Variants in BLM observed in about 807,000 individuals in gnomAD.
The protein encoded by BLM is recQ-like DNA helicase BLM.
A neutral mutation model predicts 135.3 loss-of-function variants in BLM; 95 were observed. That is an observed-to-expected ratio of 0.70 (90% confidence interval 0.59 to 0.83). The LOEUF is 0.83. BLM is among the 40% of genes least tolerant of loss of function. The probability of loss-of-function intolerance (pLI) is 0.00; values close to 1 mark genes in which losing one functional copy is unlikely to be tolerated. For synonymous variants in BLM, 520 were observed against 589.2 expected, an observed-to-expected ratio of 0.88 and a Z score of 1.70; for missense variants, 1,518 against 1,663.9, an observed-to-expected ratio of 0.91 and a Z score of 1.53.
chr15:90,773,311 T>A (rs1256592387), intron 12 of BLM, among the ~76,000 whole-genome samples: 1 of 151,440 alleles, frequency 6.6e-6, no homozygotes, highest in African/African-American at 2.4e-5. Context: ...TACCAGCTAC[T>A]TGAAAGGCTG....
intron 5 of BLM, among the ~76,000 whole-genome samples, chr15:90,756,558 A>C (rs995115135): frequency 6.6e-6 from 1 of 152,210 alleles, no homozygotes; most frequent in Admixed American, 6.5e-5. Flanking sequence ...TAACAACTGC[A>C]TTATACTGTC....
chr15:90,760,619 T>C lies in BLM; in HGVS notation c.1246T>C (p.Phe416Leu), dbSNP rs1567040804. ...AAGGAAACTTCTAACGGAAGTAGATTTTAATAAAAGTGATGCCAGTCTTCT... is the reference window on the plus strand; with the variant it reads ...AAGGAAACTTCTAACGGAAGTAGATCTTAATAAAAGTGATGCCAGTCTTCT... ...IRRKLLTEVD[F>L]NKSDASLLGS... The change falls in exon 7 of 22, where the codon TTT (phenylalanine) becomes CTT (leucine). Residue 416 changes from phenylalanine to leucine, a missense_variant. Transcript: ENST00000355112. 1 of 1,611,952 alleles carries C rather than the reference T, an allele frequency of 6.2e-7. No homozygotes were observed.
chr15:90,795,990 T>G (rs774058365), intron 16 of BLM, among the ~76,000 whole-genome samples: 1 of 152,082 alleles, frequency 6.6e-6, no homozygotes, highest in Non-Finnish European at 1.5e-5. Context: ...GCAAAGGCCC[T>G]AAGGTGGGGG....
At position 90,747,380 on chromosome 15, in the gene BLM, A is replaced by T; in HGVS notation, c.-4-9A>T. 3 of 1,597,036 alleles carry T rather than the reference A, an allele frequency of 1.9e-6. No homozygotes were observed. Among genetic ancestry groups the T allele is most frequent in the Non-Finnish European group, 2.6e-6 (3 of 1,167,608 alleles). ...AACTCCACTGATTTCTTTTTCCCTCACTTTTTAGGATTATGGCTGCTGTTC... is the reference window on the plus strand; with the variant it reads ...AACTCCACTGATTTCTTTTTCCCTCTCTTTTTAGGATTATGGCTGCTGTTC... On this transcript the variant is annotated splice_polypyrimidine_tract_variant and intron_variant, in intron 1 of 21. Transcript: ENST00000355112.
chr15:90,738,515 C>T (rs1317747083), intron 1 of BLM, among the ~76,000 whole-genome samples: 5 of 151,730 alleles, frequency 3.3e-5, no homozygotes, highest in East Asian at 1.9e-4. Context: ...TCGAGGCAGC[C>T]GTGAGCTGTT....
At chr15:90,775,604 C>T (rs547458334) in intron 12 of BLM, among the ~76,000 whole-genome samples, 2 of 151,844 alleles carry the variant, frequency 1.3e-5, no homozygotes, top group South Asian at 2.1e-4. Context: ...CTCCACCTCC[C>T]GAGTTCAAGT....
intron 1 of BLM, among the ~76,000 whole-genome samples, chr15:90,721,895 C>T (rs966390359): frequency 3.3e-5 from 5 of 151,502 alleles, no homozygotes; most frequent in African/African-American, 4.8e-5. Flanking sequence ...CACACCACTC[C>T]ACTCCAGCCT....
intron 1 of BLM, among the ~76,000 whole-genome samples, chr15:90,718,044 G>A (rs1173144354): frequency 6.6e-6 from 1 of 152,290 alleles, no homozygotes; most frequent in East Asian, 1.9e-4. Flanking sequence ...GAAACACTAA[G>A]TGTCTTGGTT....
chr15:90,784,564 G>A lies in BLM; in HGVS notation c.2663-357G>A, dbSNP rs569887665. Reference sequence around the variant, plus strand: ...ATGTCCAGGCTGGTCTCGAACTCCCGACCTCAAATGATCTGCCCTCCTTGG... The same window carrying A: ...ATGTCCAGGCTGGTCTCGAACTCCCAACCTCAAATGATCTGCCCTCCTTGG... On this transcript the variant is annotated intron_variant, in intron 13 of 21. Transcript: ENST00000355112. Among the ~76,000 whole-genome samples the A allele has an allele frequency of 2.6e-4, 39 of 151,678 alleles. No homozygotes were observed. In the South Asian group the frequency reaches 7.6e-3, roughly 29 times the overall value.
chr15:90,798,342 G>A lies in BLM; in HGVS notation c.3358+5G>A. On this transcript the variant is annotated splice_donor_5th_base_variant and intron_variant, in intron 17 of 21. Transcript: ENST00000355112. ...TGCTGGTCGACATTTTCTTGGGTAA[G>A]TCATCTGTTTTGAATGTTTGAGTTA... The A allele has an allele frequency of 6.2e-7, 1 of 1,612,430 alleles. No homozygotes were observed.
chr15:90,745,344 G>T lies in BLM; in HGVS notation c.-4-2045G>T, dbSNP rs558923419. On this transcript the variant is annotated intron_variant, in intron 1 of 21. Transcript: ENST00000355112. ...AAAAATTCATCACTATTTGAAGGTG[G>T]TGAAAGAATGAATATCATTTTTTAT... is the stretch of plus-strand genomic sequence containing the variant. 5.1e-4 allele frequency among the ~76,000 whole-genome samples: 78 copies of T among 152,288 alleles called. 2 individuals are homozygous for T. The South Asian group carries it at 5.8e-3, about 11-fold the overall frequency.
chr15:90,767,211 C>T (rs1177250384), intron 10 of BLM, among the ~76,000 whole-genome samples, 188 bp downstream of exon 10: 1 of 152,160 alleles, frequency 6.6e-6, no homozygotes, highest in African/African-American at 2.4e-5. Context: ...TTTCCTGACA[C>T]ATTTGATTGA....
intron 12 of BLM, among the ~76,000 whole-genome samples, chr15:90,777,923 A>G (rs1459877771): frequency 6.6e-6 from 1 of 152,252 alleles, no homozygotes; most frequent in African/African-American, 2.4e-5. Flanking sequence ...AGCATTGGTC[A>G]GTAAGTACTT....
intron 2 of BLM, among the ~76,000 whole-genome samples, chr15:90,748,604 T>G (rs913107937): frequency 8.5e-5 from 13 of 152,168 alleles, no homozygotes; most frequent in Non-Finnish European, 1.8e-4. Flanking sequence ...ACCACTGACT[T>G]TGAGATCATT....
chr15:90,774,017 A>G (rs1200936130), intron 12 of BLM, among the ~76,000 whole-genome samples: 1 of 149,458 alleles, frequency 6.7e-6, no homozygotes, highest in African/African-American at 2.5e-5. Context: ...CTGTATGATT[A>G]ACCTTTTCAA....
intron 12 of BLM, among the ~76,000 whole-genome samples, chr15:90,782,151 G>T (rs1896630449): frequency 6.6e-6 from 1 of 152,214 alleles, no homozygotes; most frequent in African/African-American, 2.4e-5. Flanking sequence ...ACTTTGGGAG[G>T]CCAAGGCAAG....
chr15:90,756,361 C>G (rs903101923), intron 5 of BLM, among the ~76,000 whole-genome samples: 3 of 152,164 alleles, frequency 2.0e-5, no homozygotes, highest in South Asian at 2.1e-4. Context: ...CCTCGGCCCC[C>G]CAAAGTGCTG....
At chr15:90,763,767 C>T (rs1047084262) in intron 8 of BLM, among the ~76,000 whole-genome samples, 3 of 152,180 alleles carry the variant, frequency 2.0e-5, no homozygotes, top group African/African-American at 7.2e-5. Flanking sequence ...GAGTCTAGGA[C>T]ATTCATTGTG....
At position 90,723,779 on chromosome 15, in the gene BLM, T is replaced by C. The variant is rs543147755; in HGVS notation, c.-5+6339T>C. 8.1e-4 allele frequency among the ~76,000 whole-genome samples: 124 copies of C among 152,338 alleles called. 1 individual carries two copies. Among genetic ancestry groups the C allele is most frequent in the African/African-American group, 2.9e-3 (120 of 41,584 alleles). On this transcript the variant is annotated intron_variant, in intron 1 of 21. Coordinates refer to ENST00000355112, the MANE Select transcript of BLM (RefSeq NM_000057.4). ...CGTTCATTTTGCATTACTGAAACTT[T>C]ATACTTTTTGATTAACAACTCCCCA... is the stretch of plus-strand genomic sequence containing the variant.
Sources: gnomAD v4.1 joint callset for allele counts (sites outside exome capture counted in the v4.1 genomes callset) on GRCh38, gnomAD v4.1.1 for gene constraint, MANE v1.5 for transcripts, NCBI Gene and HGNC (gene_info 2026-07-23, HGNC 2026-07-21) for gene names.